CTBP2: variants seen among roughly 807,000 people sequenced by gnomAD.
CTBP2 encodes the protein C-terminal-binding protein 2.
A neutral mutation model predicts 80.3 loss-of-function variants in CTBP2; 30 were observed. That is an observed-to-expected ratio of 0.37 (90% CI 0.28 to 0.51). The LOEUF is 0.51. CTBP2 is among the 20% of genes least tolerant of loss of function. The pLI is 0.93. For synonymous variants in CTBP2, 594 were observed against 587.4 expected (o/e 1.01, Z -0.16); for missense variants, 1,212 against 1,375.3 (o/e 0.88, Z 1.88).
At chr10:125,044,046 C>T (rs535670767) in intron 2 of CTBP2, among the ~76,000 whole-genome samples, 3 of 152,300 alleles carry the variant, frequency 2.0e-5, no homozygotes, top group East Asian at 1.9e-4. Flanking sequence ...GAGTGGGGCG[C>T]AGACTTTCTG....
intron 2 of CTBP2, among the ~76,000 whole-genome samples, chr10:125,062,255 C>T (rs1474006315): frequency 1.3e-5 from 2 of 152,182 alleles, no homozygotes; most frequent in Non-Finnish European, 2.9e-5. Context: ...CACAGGGGTG[C>T]TCTCAAAACT....
intron 3 of CTBP2, among the ~76,000 whole-genome samples, chr10:125,033,386 C>A (rs1477009236): frequency 1.3e-5 from 2 of 152,166 alleles, no homozygotes; most frequent in Non-Finnish European, 2.9e-5. Flanking sequence ...AGCGCGCACG[C>A]CAAGGTGCCT....
chr10:125,090,472 A>AT (rs1848611120), intron 2 of CTBP2, among the ~76,000 whole-genome samples: 1 of 150,132 alleles, frequency 6.7e-6, no homozygotes, highest in African/African-American at 2.5e-5. Context: ...AAAAAAAAAA[A>AT]GCTGAGGAGG....
intron 2 of CTBP2, among the ~76,000 whole-genome samples, chr10:125,101,674 T>G (rs1850645878): frequency 6.6e-6 from 1 of 152,178 alleles, no homozygotes; most frequent in African/African-American, 2.4e-5. Flanking sequence ...AAGAAAGGTT[T>G]GAGTTCCGTT....
At chr10:125,146,799 CA>C (rs1858869054) in intron 1 of CTBP2, among the ~76,000 whole-genome samples, 1 of 152,148 alleles carries the variant, frequency 6.6e-6, no homozygotes, top group Non-Finnish European at 1.5e-5. Context: ...GATATTTGAA[CA>C]TTTCAATCAG....
intron 1 of CTBP2, among the ~76,000 whole-genome samples, chr10:125,117,677 G>T (rs1462825010): frequency 1.3e-5 from 2 of 152,200 alleles, no homozygotes; most frequent in Non-Finnish European, 2.9e-5. Flanking sequence ...TACCCGAGAG[G>T]TTGTCACTTT....
chr10:125,083,778 G>GA (rs1338081054), intron 2 of CTBP2, among the ~76,000 whole-genome samples: 4 of 151,958 alleles, frequency 2.6e-5, no homozygotes, highest in Non-Finnish European at 4.4e-5. Flanking sequence ...CCCAGCTAAA[G>GA]TTTTTTTTGT....
intron 2 of CTBP2, among the ~76,000 whole-genome samples, chr10:125,089,405 C>A (rs1470542962): frequency 6.6e-6 from 1 of 152,206 alleles, no homozygotes. Context: ...GACAGTTGAA[C>A]TTCCGAAGTC....
chr10:125,134,017 A>G (rs754257356), intron 1 of CTBP2, among the ~76,000 whole-genome samples: 21 of 152,242 alleles, frequency 1.4e-4, no homozygotes, highest in Non-Finnish European at 2.9e-4. Context: ...AGCAGGTAGG[A>G]TATCAGGCAA....
At chr10:124,994,271 C>CTG (rs1953144876) in intron 5 of CTBP2, among the ~76,000 whole-genome samples, 198 bp downstream of exon 7, 1 of 152,362 alleles carries the variant, frequency 6.6e-6, no homozygotes, top group Admixed American at 6.5e-5. Context: ...TGGCTAGCGC[C>CTG]TGTCCTTCTC....
intron 1 of CTBP2, among the ~76,000 whole-genome samples, chr10:125,138,945 G>T (rs1466852539): frequency 6.6e-6 from 1 of 152,152 alleles, no homozygotes; most frequent in African/African-American, 2.4e-5. Context: ...GTGTGTTCCT[G>T]GGAAAGTCAC....
At chr10:125,018,619 T>A (rs941345259) in intron 1 of CTBP2, among the ~76,000 whole-genome samples, 5 of 152,170 alleles carry the variant, frequency 3.3e-5, no homozygotes, top group African/African-American at 1.2e-4. Flanking sequence ...TAATATTTAC[T>A]GAACTCAGTC....
At chr10:125,006,380 C>T (rs1243491463) in intron 1 of CTBP2, among the ~76,000 whole-genome samples, 1 of 152,108 alleles carries the variant, frequency 6.6e-6, no homozygotes, top group African/African-American at 2.4e-5. Flanking sequence ...CAGGAGACCC[C>T]CAAGCCCTGG....
At chr10:125,031,425 G>A (rs1958180774), upstream of CTBP2, among the ~76,000 whole-genome samples, 1 of 133,522 alleles carries the variant, frequency 7.5e-6, no homozygotes, top group Admixed American at 8.7e-5. Context: ...GGAGGTGCAG[G>A]TTGCAGTGAG....
rs369470763 is a variant in CTBP2 at position 124,989,716 on chromosome 10, A to G, written c.2778-18T>C. Reference sequence around the variant, plus strand: ...GCGGATATCTAAGGAACACACAGAAATAGGGCCTTGTAAGTTCAGGGCAGA... The same window carrying G: ...GCGGATATCTAAGGAACACACAGAAGTAGGGCCTTGTAAGTTCAGGGCAGA... On this transcript the variant is annotated intron_variant, in intron 8 of 8. Transcript: ENST00000309035. 2 of 1,544,788 alleles carry G rather than the reference A, an allele frequency of 1.3e-6. No individual in the cohort carries two copies. Among genetic ancestry groups the G allele is most frequent in the African/African-American group, 2.7e-5 (2 of 72,790 alleles).
chr10:125,019,919 C>T (rs1005831340), intron 1 of CTBP2, among the ~76,000 whole-genome samples: 3 of 152,256 alleles, frequency 2.0e-5, no homozygotes, highest in Admixed American at 1.3e-4. Flanking sequence ...GCCCCATGAC[C>T]CAGGAAGACC....
intron 1 of CTBP2, among the ~76,000 whole-genome samples, chr10:125,012,881 A>AAAAATTAAATTTT (rs1956085450): frequency 6.6e-6 from 1 of 151,844 alleles, no homozygotes; most frequent in Admixed American, 6.6e-5. Context: ...CGCCCGGCCA[A>AAAAATTAAATTTT]AAGAAGCACA....
At chr10:125,100,626 A>C (rs1283001878) in intron 2 of CTBP2, 1 of 152,252 alleles carries the variant, frequency 6.6e-6, no homozygotes, top group Non-Finnish European at 1.5e-5. Flanking sequence ...TTGTATGTTT[A>C]GAAAGGATCC....
At chr10:125,129,536 G>A (rs771620070) in intron 1 of CTBP2, among the ~76,000 whole-genome samples, 4 of 152,252 alleles carry the variant, frequency 2.6e-5, no homozygotes, top group East Asian at 3.9e-4. Flanking sequence ...TGGTCAAACA[G>A]AAGATGACCA....
Sources: gnomAD v4.1 joint callset for allele counts (sites outside exome capture counted in the v4.1 genomes callset) on GRCh38, gnomAD v4.1.1 for gene constraint, MANE v1.5 for transcripts, NCBI Gene and HGNC (gene_info 2026-07-23, HGNC 2026-07-21) for gene names.